RANBP2: variants seen among roughly 807,000 people sequenced by gnomAD.
RANBP2 encodes the protein RAN binding protein 2.
A neutral mutation model predicts 303.6 loss-of-function variants in RANBP2; 57 were observed. The observed-to-expected ratio is 0.19, with a 90% CI of 0.15 to 0.23. RANBP2 has a LOEUF of 0.23. RANBP2 is among the 10% of genes least tolerant of loss of function. The pLI is 1.00. For synonymous variants in RANBP2, 1,167 were observed against 1,301.5 expected (o/e 0.90, Z 2.23); for missense variants, 3,138 against 3,780.8 (o/e 0.83, Z 4.46).
chr2:108,721,963 C>G (rs1269919804), intron 1 of RANBP2, among the ~76,000 whole-genome samples: 2 of 151,688 alleles, frequency 1.3e-5, no homozygotes, highest in Non-Finnish European at 2.9e-5. Context: ...GTCTCCAACT[C>G]CTGGGCTCAA....
chr2:108,782,033 CA>C, intron 26 of RANBP2, 94 bp from the exon 27 acceptor site: 3 of 1,423,344 alleles, frequency 2.1e-6, no homozygotes, highest in Non-Finnish European at 2.9e-6. Flanking sequence ...TTTGTCATCA[CA>C]AAGAAAATGC....
chr2:109,089,427 A>T, the RANBP2 span, among the ~76,000 whole-genome samples: 1 of 150,864 alleles, frequency 6.6e-6, no homozygotes, highest in Admixed American at 6.6e-5. Flanking sequence ...ACACAGTGAG[A>T]CCCCCATCTC....
the RANBP2 span, among the ~76,000 whole-genome samples, chr2:108,850,396 A>G: frequency 6.6e-6 from 1 of 152,178 alleles, no homozygotes; most frequent in Admixed American, 6.5e-5. Flanking sequence ...GTTATATTGA[A>G]TAGACTGTTC....
the RANBP2 span, among the ~76,000 whole-genome samples, chr2:109,250,340 G>T: frequency 3.1e-3 from 468 of 152,158 alleles, 4 homozygotes; most frequent in African/African-American, 0.01. Flanking sequence ...ACATGCACAA[G>T]CTAACAGTCT....
At chr2:108,751,806 A>ATAT (rs1231862146) in intron 11 of RANBP2, 65 bp from the exon 12 acceptor site, 1 of 1,611,856 alleles carries the variant, frequency 6.2e-7, no homozygotes, top group Non-Finnish European at 8.5e-7. Flanking sequence ...CCATTAACAT[A>ATAT]TATGTATGTA....
the RANBP2 span, chr2:109,613,370 C>T: frequency 3.0e-6 from 1 of 337,868 alleles, no homozygotes; most frequent in Non-Finnish European, 5.7e-6. Flanking sequence ...TTTTGAAAAG[C>T]CAGGGGAGCC....
At chr2:108,730,351 A>G (rs1179127397) in intron 2 of RANBP2, among the ~76,000 whole-genome samples, 1 of 151,116 alleles carries the variant, frequency 6.6e-6, no homozygotes, top group Non-Finnish European at 1.5e-5. Context: ...TAAAGGGTAA[A>G]TGTATTTCCC....
intron 9 of RANBP2, among the ~76,000 whole-genome samples, chr2:108,750,288 C>G (rs1675771299): frequency 6.6e-6 from 1 of 152,218 alleles, no homozygotes; most frequent in Non-Finnish European, 1.5e-5. Context: ...ATAAATATCA[C>G]TTTTATTGGC....
the RANBP2 span, chr2:109,614,696 T>C: frequency 6.7e-7 from 1 of 1,487,968 alleles, no homozygotes; most frequent in Non-Finnish European, 8.9e-7. Flanking sequence ...TGCGCGTCGA[T>C]CCCGCCGACG....
the RANBP2 span, chr2:109,419,531 G>A: frequency 6.3e-7 from 1 of 1,586,862 alleles, no homozygotes; most frequent in Non-Finnish European, 8.6e-7. Flanking sequence ...CCTCTTGTCT[G>A]TTTCCAGGAT....
At chr2:108,979,383 C>T in the RANBP2 span, among the ~76,000 whole-genome samples, 1 of 152,154 alleles carries the variant, frequency 6.6e-6, no homozygotes, top group Non-Finnish European at 1.5e-5. Flanking sequence ...CACCACTTCC[C>T]CCAGCCTGGT....
intron 12 of RANBP2, 148 bp from the exon 13 acceptor site, chr2:108,752,850 T>G: frequency 6.6e-7 from 1 of 1,516,680 alleles, no homozygotes. Flanking sequence ...GTTTAGTTAT[T>G]ACAGTATTTG....
the RANBP2 span, among the ~76,000 whole-genome samples, chr2:109,271,007 C>G: frequency 6.6e-6 from 1 of 152,208 alleles, no homozygotes; most frequent in Non-Finnish European, 1.5e-5. Flanking sequence ...TGGGTCACCC[C>G]TCATTGAACA....
At chr2:109,242,629 G>C in the RANBP2 span, among the ~76,000 whole-genome samples, 1 of 152,230 alleles carries the variant, frequency 6.6e-6, no homozygotes, top group African/African-American at 2.4e-5. Flanking sequence ...TTACTGGGCT[G>C]TGCCTACCTT....
chr2:109,490,782 T>A, the RANBP2 span: 5 of 1,536,934 alleles, frequency 3.3e-6, no homozygotes, highest in Non-Finnish European at 4.4e-6. Flanking sequence ...GGCAGGGTCC[T>A]GCCCCATAGA....
chr2:109,663,987 C>T, the RANBP2 span, among the ~76,000 whole-genome samples: 1 of 152,298 alleles, frequency 6.6e-6, no homozygotes, highest in South Asian at 2.1e-4. Context: ...GGGCTGGAGG[C>T]ACAGGGTGAA....
chr2:109,234,488 A>T, the RANBP2 span, among the ~76,000 whole-genome samples: 5 of 152,386 alleles, frequency 3.3e-5, no homozygotes, highest in East Asian at 9.6e-4. Flanking sequence ...GAGAACACAC[A>T]TTCTTCTCAG....
chr2:108,769,730 G>A (rs545202401), intron 20 of RANBP2, among the ~76,000 whole-genome samples: 47 of 152,092 alleles, frequency 3.1e-4, no homozygotes, highest in African/African-American at 1.0e-3. Flanking sequence ...GAAAAATGTT[G>A]TATTTGAAAA....
the RANBP2 span, among the ~76,000 whole-genome samples, chr2:109,467,395 G>C: frequency 6.6e-6 from 1 of 152,248 alleles, no homozygotes; most frequent in South Asian, 2.1e-4. Flanking sequence ...AGCCACTGGA[G>C]GGTCCCGTGT....
Sources: allele counts gnomAD v4.1 joint callset (sites outside exome capture counted in the v4.1 genomes callset), GRCh38; gene constraint gnomAD v4.1.1; transcripts MANE v1.5; gene names NCBI Gene and HGNC (gene_info 2026-07-23, HGNC 2026-07-21).